The following FAM114A1 variants were observed in gnomAD, a reference collection of about 807,000 sequenced individuals.
FAM114A1 encodes protein NOXP20.
A neutral mutation model predicts 64.3 loss-of-function variants in FAM114A1; 62 were observed. The observed-to-expected ratio is 0.96, with a 90% CI of 0.79 to 1.19. The LOEUF (loss-of-function observed/expected upper bound fraction) is 1.19. Among genes scored for constraint, FAM114A1 ranks in the 50% most tolerant of loss-of-function variants. The probability of loss-of-function intolerance (pLI) is 0.00; values close to 1 mark genes in which losing one functional copy is unlikely to be tolerated. For missense variants in FAM114A1, 645 were observed against 676.3 expected, an observed-to-expected ratio of 0.95 and a Z score of 0.51; for synonymous variants, 254 against 251.1, an observed-to-expected ratio of 1.01 and a Z score of -0.11.
At chr4:38,913,650 G>A (rs1361846033) in intron 7 of FAM114A1, among the ~76,000 whole-genome samples, 1 of 151,686 alleles carries the variant, frequency 6.6e-6, no homozygotes, top group Non-Finnish European at 1.5e-5. Context: ...TCAGCCTCCC[G>A]AAGTACTAGA....
chr4:38,921,269 A>T (rs1041616441), intron 8 of FAM114A1, among the ~76,000 whole-genome samples: 14 of 152,142 alleles, frequency 9.2e-5, no homozygotes, highest in African/African-American at 2.9e-4. Flanking sequence ...CCATCTGTAC[A>T]AATAATGTTC....
Position 38,945,012 on chromosome 4 carries a change from CACTATTTTAT to C in FAM114A1, c.*1456_*1465del, listed in dbSNP as rs2109828987. The C allele has an allele frequency of 6.6e-6, 1 of 152,166 alleles. No homozygotes were observed. Among genetic ancestry groups the C allele is most frequent in the Non-Finnish European group, 1.5e-5 (1 of 68,024 alleles). The allele number at this position is 152,166 out of a possible 1,614,324, so 9.4% of individuals were successfully genotyped here. ...TTGTTGCATTTTCCTATACTCTTTA[CACTATTTTAT>C]CCCAAACTATGTATATGAGGTGAAA... On this transcript the variant is annotated 3_prime_UTR_variant, in exon 15 of 15. Coordinates refer to ENST00000358869, the MANE Select transcript of FAM114A1 (RefSeq NM_138389.4).
Position 38,892,061 on chromosome 4 carries a change from G to A in FAM114A1, c.436+231G>A, listed in dbSNP as rs556303690. On this transcript the variant is annotated intron_variant, in intron 4 of 14. Coordinates refer to ENST00000358869, the MANE Select transcript of FAM114A1 (RefSeq NM_138389.4). ...ACTTTACAGGTAAGGAAGCTAATCAGAGAGAGACTAAGACCTTGACCAAAG... is the reference window on the plus strand; with the variant it reads ...ACTTTACAGGTAAGGAAGCTAATCAAAGAGAGACTAAGACCTTGACCAAAG... Among the ~76,000 whole-genome samples, 54 of 152,342 alleles carry A rather than the reference G, an allele frequency of 3.5e-4. No homozygotes were observed. In the South Asian group the frequency reaches 0.01, roughly 29 times the overall value.
intron 7 of FAM114A1, among the ~76,000 whole-genome samples, chr4:38,911,450 G>T (rs978804957): frequency 3.3e-5 from 5 of 152,220 alleles, no homozygotes; most frequent in African/African-American, 1.2e-4. Context: ...GTAGGAGGGA[G>T]GTCTGCAGGT....
chr4:38,932,757 A>G (rs1720761980), intron 12 of FAM114A1, among the ~76,000 whole-genome samples: 1 of 152,156 alleles, frequency 6.6e-6, no homozygotes, highest in East Asian at 1.9e-4. Flanking sequence ...TCAGCCTCCT[A>G]AAGTGCTACG....
intron 9 of FAM114A1, among the ~76,000 whole-genome samples, chr4:38,924,536 C>G (rs1719925569): frequency 1.3e-5 from 2 of 152,206 alleles, no homozygotes; most frequent in South Asian, 4.1e-4. Context: ...GACACCCTTT[C>G]CCTCTTTAGC....
At chr4:38,872,244 C>T (rs957170894) in intron 2 of FAM114A1, among the ~76,000 whole-genome samples, 2 of 152,176 alleles carry the variant, frequency 1.3e-5, no homozygotes, top group Non-Finnish European at 1.5e-5. Context: ...TAAGGCACTT[C>T]AAATGTCATC....
intron 9 of FAM114A1, among the ~76,000 whole-genome samples, chr4:38,923,333 C>G (rs1413578461): frequency 6.7e-6 from 1 of 150,294 alleles, no homozygotes; most frequent in African/African-American, 2.5e-5. Context: ...AAGTGATTCT[C>G]CTGCCTCAGT....
chr4:38,936,155 C>T (rs12503179), intron 13 of FAM114A1, among the ~76,000 whole-genome samples: 6 of 150,788 alleles, frequency 4.0e-5, no homozygotes, highest in Non-Finnish European at 7.4e-5. Flanking sequence ...TGCAGTGGCG[C>T]GATCTCGGCT....
chr4:38,912,051 G>A (rs1275975247), intron 7 of FAM114A1, among the ~76,000 whole-genome samples: 1 of 151,520 alleles, frequency 6.6e-6, no homozygotes, highest in African/African-American at 2.4e-5. Flanking sequence ...AGTAGAGACG[G>A]GGTTTCACCA....
intron 2 of FAM114A1, among the ~76,000 whole-genome samples, chr4:38,872,861 A>G (rs534117228): frequency 1.3e-5 from 2 of 152,346 alleles, no homozygotes; most frequent in African/African-American, 4.8e-5. Flanking sequence ...CAAAGGGTGT[A>G]TCTCTGGTCC....
intron 4 of FAM114A1, among the ~76,000 whole-genome samples, chr4:38,897,912 C>T (rs1192885187): frequency 2.7e-5 from 4 of 150,772 alleles, no homozygotes; most frequent in African/African-American, 9.8e-5. Flanking sequence ...CACCACTGCA[C>T]TCCAGCCTGG....
chr4:38,882,794 C>T (rs557897249), intron 3 of FAM114A1, among the ~76,000 whole-genome samples: 32 of 152,334 alleles, frequency 2.1e-4, no homozygotes, highest in African/African-American at 7.7e-4. Flanking sequence ...GTACCTGGAT[C>T]TGGATCCCCT....
intron 3 of FAM114A1, among the ~76,000 whole-genome samples, chr4:38,885,369 G>T (rs2109579749): frequency 6.6e-6 from 1 of 152,232 alleles, no homozygotes; most frequent in East Asian, 1.9e-4. Context: ...TTGAACTCTT[G>T]CATTCAAGTG....
At chr4:38,905,978 G>A in intron 6 of FAM114A1, 117 bp downstream of exon 6, 4 of 846,148 alleles carry the variant, frequency 4.7e-6, no homozygotes, top group South Asian at 4.5e-5. Flanking sequence ...TCAGAACTTT[G>A]GATTATGGTT....
chr4:38,884,657 C>T (rs536647640), intron 3 of FAM114A1, among the ~76,000 whole-genome samples: 4 of 152,268 alleles, frequency 2.6e-5, no homozygotes, highest in South Asian at 2.1e-4. Flanking sequence ...TTAAATGAAA[C>T]GGTAATTAAC....
At chr4:38,926,884 T>A (rs1339052235) in intron 9 of FAM114A1, among the ~76,000 whole-genome samples, 1 of 152,204 alleles carries the variant, frequency 6.6e-6, no homozygotes, top group East Asian at 1.9e-4. Context: ...CCAGGAACCC[T>A]GCTTCACACC....
At position 38,944,635 on chromosome 4, in the gene FAM114A1, T is replaced by C. The variant is rs1721830134; in HGVS notation, c.*1078T>C. 1.3e-5 allele frequency: 2 copies of C among 152,242 alleles called. No homozygotes were observed. Among genetic ancestry groups the C allele is most frequent in the Non-Finnish European group, 2.9e-5 (2 of 68,086 alleles). The allele number at this position is 152,242 out of a possible 1,614,324, so 9.4% of individuals were successfully genotyped here. A position where few individuals can be genotyped will look rare whatever the true frequency, so the allele number is the denominator to read the frequency against. On this transcript the variant is annotated 3_prime_UTR_variant, in exon 15 of 15. Coordinates refer to ENST00000358869, the MANE Select transcript of FAM114A1 (RefSeq NM_138389.4). Reference sequence around the variant, plus strand: ...AGCTGCTCCCCAGAGCTTGCATTACTGCCTGAGCTCTGCCTCCCGTCAGGT... The same window carrying C: ...AGCTGCTCCCCAGAGCTTGCATTACCGCCTGAGCTCTGCCTCCCGTCAGGT...
chr4:38,911,588 A>G (rs1007256466), intron 7 of FAM114A1, among the ~76,000 whole-genome samples: 2 of 152,166 alleles, frequency 1.3e-5, no homozygotes, highest in African/African-American at 4.8e-5. Context: ...TCTGGCTATA[A>G]TTTGAAGATA....
Sources: allele counts gnomAD v4.1 joint callset (sites outside exome capture counted in the v4.1 genomes callset), GRCh38; gene constraint gnomAD v4.1.1; transcripts MANE v1.5; gene names NCBI Gene and HGNC (gene_info 2026-07-23, HGNC 2026-07-21).